ERMARD: variants seen among roughly 807,000 people sequenced by gnomAD.
The protein encoded by ERMARD is endoplasmic reticulum membrane-associated RNA degradation protein.
A neutral mutation model predicts 83.9 loss-of-function variants in ERMARD; 71 were observed. The observed-to-expected ratio is 0.85, with a 90% confidence interval of 0.70 to 1.03. The LOEUF (loss-of-function observed/expected upper bound fraction) is 1.03, where lower values mean the gene tolerates loss of function less well. ERMARD is among the 50% of genes least tolerant of loss of function. ERMARD has a pLI of 0.00. For synonymous variants in ERMARD, 284 were observed against 298.6 expected (o/e 0.95, Z 0.50); for missense variants, 838 against 810.9 (o/e 1.03, Z -0.41).
chr6:169,761,539 A>G (rs776050906), intron 8 of ERMARD, among the ~76,000 whole-genome samples: 1 of 152,004 alleles, frequency 6.6e-6, no homozygotes, highest in Non-Finnish European at 1.5e-5. Flanking sequence ...TCTAGAAGCA[A>G]TGAAATGAGT....
intron 12 of ERMARD, 78 bp from the exon 13 acceptor site, chr6:169,773,241 T>C: frequency 8.6e-7 from 1 of 1,165,452 alleles, no homozygotes; most frequent in South Asian, 1.4e-5. Flanking sequence ...ATGGGGACTC[T>C]AAGTGGCCTA....
At chr6:169,762,072 C>A (rs4716394) in intron 8 of ERMARD, among the ~76,000 whole-genome samples, 9,090 of 152,078 alleles carry the variant, frequency 0.06, 506 homozygotes, top group East Asian at 0.17. Context: ...ATGTTGGTGT[C>A]AATATTATTT....
chr6:169,756,317 T>C (rs1248640320), intron 3 of ERMARD, 21 bp from the exon 4 acceptor site: 1 of 1,460,866 alleles, frequency 6.8e-7, no homozygotes, highest in South Asian at 1.2e-5. Context: ...TACATCCTAA[T>C]ATGTGTTTTA....
intron 8 of ERMARD, among the ~76,000 whole-genome samples, chr6:169,760,965 A>G (rs1057126173): frequency 2.6e-5 from 4 of 151,874 alleles, no homozygotes; most frequent in Non-Finnish European, 1.5e-5. Context: ...GGTGCAGGTG[A>G]TAGAATTATT....
chr6:169,754,979 T>G (rs766265124), intron 2 of ERMARD, among the ~76,000 whole-genome samples: 3 of 152,198 alleles, frequency 2.0e-5, no homozygotes, highest in Non-Finnish European at 4.4e-5. Context: ...ACATATACAA[T>G]GTGAGCCTGG....
intron 16 of ERMARD, among the ~76,000 whole-genome samples, chr6:169,778,091 A>C (rs1449301381): frequency 2.0e-5 from 3 of 152,198 alleles, no homozygotes. Flanking sequence ...CAGTTCACCT[A>C]ACGTGCACAG....
chr6:169,768,527 G>C lies in ERMARD; in HGVS notation c.1059+356G>C, dbSNP rs547212654. On this transcript the variant is annotated intron_variant, in intron 11 of 17. Transcript: ENST00000366773. ...AATCCTAGCACTTTGGGAGGCCAAG[G>C]CGGGCAGATCACAAGGTCAAGAGTT... 6.6e-5 allele frequency among the ~76,000 whole-genome samples: 10 copies of C among 152,334 alleles called. No homozygotes were observed. The South Asian group carries it at 2.1e-3, about 32-fold the overall frequency.
intron 1 of ERMARD, among the ~76,000 whole-genome samples, chr6:169,752,568 A>G (rs1339366693): frequency 6.6e-6 from 1 of 152,202 alleles, no homozygotes; most frequent in East Asian, 1.9e-4. Context: ...TTCGAAAACC[A>G]GGGCTGAGAG....
rs552023965 is a variant in ERMARD, at chr6:169,781,377, C to T, written c.1901C>T (p.Thr634Ile). Residue 634 changes from threonine to isoleucine, a missense_variant, in exon 18 of 18, where the codon ACC becomes ATC. By Grantham distance (89) the Thr-to-Ile change is moderately conservative (BLOSUM62 -1). Coordinates refer to ENST00000366773, the MANE Select transcript of ERMARD (RefSeq NM_018341.3). ...TACACGGAGAACCTGGTGGCTTACA[C>T]CAGTTACGAAAAGAACAAGTGGAAT... ...LQYTENLVAY[T>I]SYEKNKWNET... is the part of the protein sequence containing the mutation. 8.4e-5 allele frequency: 136 copies of T among 1,612,486 alleles called. 3 individuals carry two copies. In the South Asian group the frequency reaches 1.3e-3, roughly 16 times the overall value.
rs1790464049 is a variant in ERMARD at position 169,753,845 on chromosome 6, A to G, written c.7-19A>G. The G allele has an allele frequency of 6.7e-7, 1 of 1,492,638 alleles. No homozygotes were observed. The highest frequency in any genetic ancestry group is 1.3e-5 in the South Asian group (1 of 76,072). The allele number at this position is 1,492,638 out of a possible 1,614,324, so 92.5% of individuals were successfully genotyped here. A position where few individuals can be genotyped will look rare whatever the true frequency, so the allele number is the denominator to read the frequency against. ...TTCTTTCTGTTAAGCAGTGCCTTTT[A>G]TTTTATTTTATTTTTTAGGTATTAA... On this transcript the variant is annotated intron_variant, in intron 1 of 17. Transcript: ENST00000366773.
intron 11 of ERMARD, among the ~76,000 whole-genome samples, chr6:169,769,075 C>T (rs909274059): frequency 6.6e-5 from 10 of 152,160 alleles, no homozygotes; most frequent in Non-Finnish European, 4.4e-5. Context: ...TGACCATTGG[C>T]GGTTTGCCAA....
intron 15 of ERMARD, 135 bp from the exon 16 acceptor site, chr6:169,776,320 G>C (rs768184029): frequency 6.4e-7 from 1 of 1,552,132 alleles, no homozygotes; most frequent in Non-Finnish European, 8.7e-7. Context: ...CGCGTGTCAC[G>C]GTTGTCCCTG....
chr6:169,776,223 A>C (rs969516053), intron 15 of ERMARD, 158 bp downstream of exon 15: 19 of 1,517,764 alleles, frequency 1.3e-5, no homozygotes, highest in African/African-American at 1.4e-5. Context: ...AAGTTTTGAC[A>C]ATCTCTGTGC....
chr6:169,754,971 A>G (rs535284678), intron 2 of ERMARD, among the ~76,000 whole-genome samples: 1 of 152,230 alleles, frequency 6.6e-6, no homozygotes, highest in Non-Finnish European at 1.5e-5. Flanking sequence ...ACGAAATTAC[A>G]TATACAATGT....
At chr6:169,755,246 A>T in intron 2 of ERMARD, 37 bp from the exon 3 acceptor site, 1 of 1,606,414 alleles carries the variant, frequency 6.2e-7, no homozygotes, top group South Asian at 1.1e-5. Context: ...TGTGATATGG[A>T]GCTATGGTGC....
intron 12 of ERMARD, among the ~76,000 whole-genome samples, chr6:169,772,333 A>C (rs112497118): frequency 0.018 from 2,686 of 152,288 alleles, 78 homozygotes; most frequent in African/African-American, 0.061. Flanking sequence ...CAGGCACATG[A>C]GTGTACCTCC....
chr6:169,773,469 T>A, intron 13 of ERMARD, 67 bp downstream of exon 13: 1 of 1,503,462 alleles, frequency 6.7e-7, no homozygotes, highest in South Asian at 1.1e-5. Context: ...TCTGCAGAGA[T>A]GCTGGAAGGG....
intron 12 of ERMARD, among the ~76,000 whole-genome samples, chr6:169,772,891 TGG>T (rs1562343653): frequency 5.3e-5 from 8 of 152,038 alleles, no homozygotes; most frequent in African/African-American, 1.9e-4. Context: ...TTAAGTTATG[TGG>T]TTATATCAGC....
intron 3 of ERMARD, 140 bp downstream of exon 3, chr6:169,755,562 T>TGCATAATAGCCCA: frequency 2.0e-6 from 2 of 1,024,978 alleles, no homozygotes; most frequent in Non-Finnish European, 2.8e-6. Flanking sequence ...AAGAGAACCC[T>TGCATAATAGCCCA]GGGCTATTAT....
Sources: gnomAD v4.1 joint callset for allele counts (sites outside exome capture counted in the v4.1 genomes callset) on GRCh38, gnomAD v4.1.1 for gene constraint, MANE v1.5 for transcripts, NCBI Gene and HGNC (gene_info 2026-07-23, HGNC 2026-07-21) for gene names.